MYT1L: variants seen among roughly 807,000 people sequenced by gnomAD.
MYT1L encodes myelin transcription factor 1-like protein.
Under a neutral mutation model 126.7 loss-of-function variants are expected in MYT1L, and 12 were observed. The observed-to-expected ratio is 0.09, with a 90% CI of 0.06 to 0.15. MYT1L has a LOEUF of 0.15. MYT1L is among the 10% of genes least tolerant of loss of function. MYT1L has a pLI of 1.00. For missense variants in MYT1L, 979 were observed against 1,585.2 expected (o/e 0.62, Z 6.49); for synonymous variants, 541 against 604.2 (o/e 0.90, Z 1.53).
chr2:1,886,490 T>A, intron 18 of MYT1L, 49 bp downstream of exon 18: 1 of 1,360,706 alleles, frequency 7.3e-7, no homozygotes, highest in South Asian at 1.4e-5. Flanking sequence ...TTTTGTGAAC[T>A]ACTGAGTGCA....
At chr2:2,270,579 C>T (rs76912333) in intron 2 of MYT1L, among the ~76,000 whole-genome samples, 9,085 of 151,980 alleles carry the variant, frequency 0.06, 334 homozygotes, top group South Asian at 0.17. Context: ...ACAGCCAATC[C>T]GAGCAATGAA....
chr2:1,979,852 C>G lies in MYT1L; in HGVS notation c.1-75G>C, dbSNP rs933828153. ...CAGCCCTGCAGGGGCGGCTCACTCT[C>G]CCTGGCATTCTATTAATGGGGCTTT... On this transcript the variant is annotated intron_variant, in intron 5 of 24. Coordinates refer to ENST00000647738, the MANE Select transcript of MYT1L (RefSeq NM_001303052.2). This position sits in a 1 kb window ranked among gnomAD's most constrained non-coding sequence, Gnocchi z 4.0. 14 of 1,452,296 alleles carry G rather than the reference C, an allele frequency of 9.6e-6. No homozygotes were observed. In the Admixed American group the frequency reaches 1.9e-4, roughly 20 times the overall value. 90.0% of individuals were successfully genotyped at this position (1,452,296 alleles called of 1,614,324 possible).
intron 3 of MYT1L, among the ~76,000 whole-genome samples, chr2:2,137,240 A>G (rs1050097928): frequency 3.9e-5 from 6 of 152,240 alleles, no homozygotes; most frequent in African/African-American, 1.2e-4. Context: ...GGAAGAATCA[A>G]TATCGTGAAA....
At chr2:1,882,050 C>A (rs2047627545) in intron 18 of MYT1L, among the ~76,000 whole-genome samples, 1 of 152,194 alleles carries the variant, frequency 6.6e-6, no homozygotes, top group Non-Finnish European at 1.5e-5. Context: ...CCTCAGTTCT[C>A]ACATCCGTAA....
chr2:1,870,688 G>A (rs1211636823), intron 18 of MYT1L, among the ~76,000 whole-genome samples: 3 of 152,140 alleles, frequency 2.0e-5, no homozygotes, highest in Non-Finnish European at 4.4e-5. Context: ...CACGATCTGT[G>A]TTTTCTCTTT....
chr2:1,852,606 G>A lies in MYT1L; in HGVS notation c.2712-903C>T, dbSNP rs1268360249. Among the ~76,000 whole-genome samples, 1 of 151,820 alleles carries A rather than the reference G, an allele frequency of 6.6e-6. No individual in the cohort carries two copies. Among genetic ancestry groups the A allele is most frequent in the Non-Finnish European group, 1.5e-5 (1 of 67,992 alleles). On this transcript the variant is annotated intron_variant, in intron 18 of 24. Coordinates refer to ENST00000647738, the MANE Select transcript of MYT1L (RefSeq NM_001303052.2). The surrounding 1 kb of genome is among the most constrained non-coding windows in gnomAD (Gnocchi z 4.0). ...GTCTCAAGAATAATGAGATCACACC[G>A]CAAACACATTTTCACTTTGAGCTAT...
intron 3 of MYT1L, among the ~76,000 whole-genome samples, chr2:2,095,879 CA>C: frequency 6.6e-6 from 1 of 152,248 alleles, no homozygotes; most frequent in South Asian, 2.1e-4. Flanking sequence ...CTATCATGCC[CA>C]GGGGGAATTG....
At chr2:2,099,459 C>T (rs1232287112) in intron 3 of MYT1L, among the ~76,000 whole-genome samples, 1 of 152,018 alleles carries the variant, frequency 6.6e-6, no homozygotes, top group African/African-American at 2.4e-5. Flanking sequence ...ATGGAATGCC[C>T]TTAAGAGACA....
At chr2:1,813,772 A>C (rs1264557395) in intron 21 of MYT1L, among the ~76,000 whole-genome samples, 1 of 151,158 alleles carries the variant, frequency 6.6e-6, no homozygotes, top group Non-Finnish European at 1.5e-5. Flanking sequence ...TCACGCCTGT[A>C]ATCCCAGCAC....
intron 14 of MYT1L, 104 bp from the exon 15 acceptor site, chr2:1,892,391 C>A (rs559954909): frequency 6.8e-5 from 98 of 1,445,676 alleles, no homozygotes; most frequent in Middle Eastern, 2.5e-4. Flanking sequence ...CACACAGCCG[C>A]GTGGGACGGC....
At chr2:2,280,139 T>C (rs2095427269) in intron 2 of MYT1L, among the ~76,000 whole-genome samples, 1 of 152,206 alleles carries the variant, frequency 6.6e-6, no homozygotes, top group Admixed American at 6.5e-5. Flanking sequence ...ATTTGTGGAC[T>C]AAAGTAGAAA....
At chr2:1,900,910 C>T (rs960739313) in intron 14 of MYT1L, among the ~76,000 whole-genome samples, 6 of 152,158 alleles carry the variant, frequency 3.9e-5, no homozygotes, top group South Asian at 2.1e-4. Context: ...GCCGGGAATG[C>T]GATGATCAAT....
In MYT1L at chr2:1,863,237, GT is replaced by G. The variant is rs541057055; in HGVS notation, c.2712-11535del. On this transcript the variant is annotated intron_variant, in intron 18 of 24. Coordinates refer to ENST00000647738, the MANE Select transcript of MYT1L (RefSeq NM_001303052.2). ...AGGAGAACTGAGTGTGGAGTGTGCT[GT>G]TTTCACGGATCCTGTGGCCTTTGGG... Among the ~76,000 whole-genome samples, 364 of 152,310 alleles carry G rather than the reference GT, an allele frequency of 2.4e-3. 2 individuals carry two copies. The highest frequency in any genetic ancestry group is 8.3e-3 in the African/African-American group (347 of 41,572).
intron 2 of MYT1L, among the ~76,000 whole-genome samples, chr2:2,281,616 T>A (rs2095447848): frequency 6.6e-6 from 1 of 152,210 alleles, no homozygotes; most frequent in African/African-American, 2.4e-5. Context: ...TGAACTTAAC[T>A]TGTGTATTTA....
Position 1,892,224 on chromosome 2 carries a change from C to A in MYT1L, c.2096G>T (p.Ser699Ile). 1 of 1,550,270 alleles carries A rather than the reference C, an allele frequency of 6.5e-7. No homozygotes were observed. Among genetic ancestry groups the A allele is most frequent in the Non-Finnish European group, 8.7e-7 (1 of 1,146,596 alleles). The change falls in exon 15 of 25, where the codon AGC (serine) becomes ATC (isoleucine). Residue 699 changes from serine (S) to isoleucine (I), a missense_variant. Physicochemically the swap from Ser to Ile is moderately radical, Grantham distance 142. This residue lies in a region of MYT1L where 57 missense variants were observed against 60.3 expected (regional missense o/e 0.94). Coordinates refer to ENST00000647738, the MANE Select transcript of MYT1L (RefSeq NM_001303052.2). ...SSSTSSYAPS[S>I]SSNLSCGGGS... ...CCCGCCGCAGCTCAGGTTGCTGCTG[C>A]TGCTGGGCGCGTAGCTGCTGGTGCT...
intron 3 of MYT1L, among the ~76,000 whole-genome samples, chr2:2,060,654 T>C (rs1194882935): frequency 6.7e-6 from 1 of 149,308 alleles, no homozygotes; most frequent in Non-Finnish European, 1.5e-5. Flanking sequence ...TCGCTGTCTC[T>C]CTCCCTGTCT....
intron 3 of MYT1L, among the ~76,000 whole-genome samples, chr2:2,139,588 G>A (rs998640402): frequency 5.9e-5 from 9 of 151,868 alleles, no homozygotes; most frequent in Admixed American, 6.6e-5. Flanking sequence ...GCAGTAAGCC[G>A]AGATTGCACC....
chr2:2,272,143 C>T (rs975932918), intron 2 of MYT1L, among the ~76,000 whole-genome samples: 15 of 152,056 alleles, frequency 9.9e-5, no homozygotes, highest in African/African-American at 2.7e-4. Context: ...TTCCCTCCTG[C>T]CCTGCCTGAA....
intron 8 of MYT1L, among the ~76,000 whole-genome samples, chr2:1,949,130 A>C (rs972695017): frequency 6.6e-6 from 1 of 152,130 alleles, no homozygotes; most frequent in Non-Finnish European, 1.5e-5. Context: ...CATGATTCTC[A>C]ATGCAGAAGC....
Sources: gnomAD v4.1 joint callset for allele counts (sites outside exome capture counted in the v4.1 genomes callset) on GRCh38, gnomAD v4.1.1 for gene constraint, gnomAD v4.1.1 regional missense constraint, Gnocchi (gnomAD v3.1) non-coding constraint, MANE v1.5 for transcripts, NCBI Gene and HGNC (gene_info 2026-07-23, HGNC 2026-07-21) for gene names.